The following CSNK2A2IP variants were observed in gnomAD, a reference collection of about 807,000 sequenced individuals.
CSNK2A2IP encodes casein kinase 2 subunit alpha' interacting protein, also known as casein kinase II subunit alpha'-interacting protein.
the CSNK2A2IP span, among the ~76,000 whole-genome samples, chr3:88,341,295 A>T: frequency 6.6e-6 from 1 of 151,848 alleles, no homozygotes; most frequent in African/African-American, 2.4e-5. Context: ...ATGAATCATT[A>T]TTATTATATG....
At chr3:88,449,866 T>G in the CSNK2A2IP span, among the ~76,000 whole-genome samples, 36 of 69,614 alleles carry the variant, frequency 5.2e-4, no homozygotes, top group East Asian at 1.3e-3. Context: ...TATATATATA[T>G]ATATATATAG....
the CSNK2A2IP span, among the ~76,000 whole-genome samples, chr3:88,416,622 C>T: frequency 6.6e-6 from 1 of 152,260 alleles, no homozygotes; most frequent in Non-Finnish European, 1.5e-5. Context: ...TATACCATAC[C>T]ACGGAATCAT....
the CSNK2A2IP span, among the ~76,000 whole-genome samples, chr3:88,463,970 G>GATAATA: frequency 3.0e-4 from 45 of 150,646 alleles, no homozygotes; most frequent in Non-Finnish European, 3.0e-5. Flanking sequence ...TATTATGCAT[G>GATAATA]ATAATAATAA....
the CSNK2A2IP span, among the ~76,000 whole-genome samples, chr3:88,341,203 A>C: frequency 6.6e-6 from 1 of 151,900 alleles, no homozygotes; most frequent in South Asian, 2.1e-4. Context: ...AAAATAATCC[A>C]GATATATCTG....
chr3:88,435,941 TATATATA>T, the CSNK2A2IP span, among the ~76,000 whole-genome samples: 1 of 102,672 alleles, frequency 9.7e-6, no homozygotes, highest in Non-Finnish European at 2.0e-5. Context: ...GTGTGCATTA[TATATATA>T]ATGCACATTA....
chr3:88,357,693 T>C, the CSNK2A2IP span, among the ~76,000 whole-genome samples: 2 of 152,202 alleles, frequency 1.3e-5, no homozygotes, highest in Admixed American at 6.5e-5. Context: ...TTAACAATAT[T>C]GATTCTTCCA....
the CSNK2A2IP span, among the ~76,000 whole-genome samples, chr3:88,419,789 G>A: frequency 2.6e-5 from 4 of 152,072 alleles, no homozygotes; most frequent in African/African-American, 4.8e-5. Flanking sequence ...ATGACAAAGA[G>A]AATCCCAATT....
the CSNK2A2IP span, among the ~76,000 whole-genome samples, chr3:88,367,897 A>G: frequency 2.0e-5 from 3 of 152,068 alleles, no homozygotes; most frequent in African/African-American, 7.2e-5. Context: ...ATTTTTCAAG[A>G]AAAAAGATTT....
chr3:88,465,959 C>T, the CSNK2A2IP span: 8 of 1,231,664 alleles, frequency 6.5e-6, no homozygotes, highest in Non-Finnish European at 8.1e-6. Context: ...ATTTGGACAT[C>T]ATCTTCCTTG....
chr3:88,407,292 CAAAA>C, the CSNK2A2IP span, among the ~76,000 whole-genome samples: 30 of 102,944 alleles, frequency 2.9e-4, 1 homozygote, highest in Middle Eastern at 0.018. Context: ...CAGAAAAGTC[CAAAA>C]AAAAAAAAAA....
the CSNK2A2IP span, among the ~76,000 whole-genome samples, chr3:88,445,076 G>A: frequency 9.3e-4 from 142 of 151,938 alleles, 2 homozygotes; most frequent in South Asian, 0.018. Flanking sequence ...TAGATTGTCC[G>A]AGATGCTGTT....
the CSNK2A2IP span, among the ~76,000 whole-genome samples, chr3:88,432,870 AG>A: frequency 5.3e-5 from 8 of 151,706 alleles, no homozygotes; most frequent in African/African-American, 1.9e-4. Context: ...TTACATATTT[AG>A]GTTGCTTCTA....
chr3:88,425,823 G>A, the CSNK2A2IP span, among the ~76,000 whole-genome samples: 132 of 152,048 alleles, frequency 8.7e-4, 2 homozygotes, highest in African/African-American at 3.1e-3. Flanking sequence ...AACTCCAAAC[G>A]AGTTTTCTGA....
chr3:88,345,480 C>G, the CSNK2A2IP span, among the ~76,000 whole-genome samples: 1 of 151,962 alleles, frequency 6.6e-6, no homozygotes, highest in African/African-American at 2.4e-5. Context: ...ATTGAGAAGT[C>G]TATCAGTGCC....
At chr3:88,364,008 T>G in the CSNK2A2IP span, among the ~76,000 whole-genome samples, 1 of 152,174 alleles carries the variant, frequency 6.6e-6, no homozygotes, top group Non-Finnish European at 1.5e-5. Flanking sequence ...GTCCTGCTTC[T>G]GTGCAATACT....
the CSNK2A2IP span, among the ~76,000 whole-genome samples, chr3:88,386,272 C>T: frequency 6.6e-6 from 1 of 151,902 alleles, no homozygotes; most frequent in Non-Finnish European, 1.5e-5. Flanking sequence ...TTACAGGCAC[C>T]CGCCACCATG....
chr3:88,439,233 G>A, the CSNK2A2IP span, among the ~76,000 whole-genome samples: 5,851 of 152,214 alleles, frequency 0.038, 243 homozygotes, highest in East Asian at 0.23. Context: ...TTTGAATAAT[G>A]TGATGCCTTG....
At chr3:88,429,042 G>C in the CSNK2A2IP span, among the ~76,000 whole-genome samples, 1 of 151,238 alleles carries the variant, frequency 6.6e-6, no homozygotes, top group Non-Finnish European at 1.5e-5. Flanking sequence ...GGTTTCATTG[G>C]TAACACAATT....
the CSNK2A2IP span, among the ~76,000 whole-genome samples, chr3:88,462,628 G>C: frequency 6.6e-6 from 1 of 152,174 alleles, no homozygotes; most frequent in Admixed American, 6.5e-5. Context: ...ATATGGAAGT[G>C]ATCAAATCAA....
Sources: allele counts gnomAD v4.1 joint callset (sites outside exome capture counted in the v4.1 genomes callset), GRCh38; gene constraint gnomAD v4.1.1; transcripts MANE v1.5; gene names NCBI Gene and HGNC (gene_info 2026-07-23, HGNC 2026-07-21).